NRXN1: variants seen among roughly 807,000 people sequenced by gnomAD.
NRXN1 encodes the protein neurexin-1.
NRXN1 carries 39 observed loss-of-function variants against 150.9 expected under a neutral mutation model. The ratio of observed to expected loss-of-function variants is 0.26; its 90% CI spans 0.20 to 0.34. The LOEUF (loss-of-function observed/expected upper bound fraction) is 0.34, where lower values mean the gene tolerates loss of function less well. NRXN1 is among the 10% of genes least tolerant of loss of function. NRXN1 has a pLI of 1.00. For synonymous variants in NRXN1, 924 were observed against 757.0 expected (o/e 1.22, Z -3.62); for missense variants, 1,815 against 1,949.9 (o/e 0.93, Z 1.30).
intron 2 of NRXN1, among the ~76,000 whole-genome samples, chr2:51,002,695 C>T (rs959393252): frequency 4.6e-5 from 7 of 151,862 alleles, no homozygotes; most frequent in Non-Finnish European, 1.0e-4. Context: ...TTACATCATA[C>T]ATGCAAGATG....
At chr2:49,941,982 C>A (rs1303658432) in intron 22 of NRXN1, among the ~76,000 whole-genome samples, 2 of 152,130 alleles carry the variant, frequency 1.3e-5, no homozygotes, top group Non-Finnish European at 2.9e-5. Context: ...AAAGCAATAG[C>A]AATGACTTTT....
intron 18 of NRXN1, among the ~76,000 whole-genome samples, chr2:50,107,321 A>G (rs543657687): frequency 1.3e-5 from 2 of 151,278 alleles, no homozygotes; most frequent in Non-Finnish European, 3.0e-5. Context: ...AGAACTTTCA[A>G]TGACACCATA....
At chr2:50,057,309 C>T (rs965925895) in intron 19 of NRXN1, among the ~76,000 whole-genome samples, 2 of 152,170 alleles carry the variant, frequency 1.3e-5, no homozygotes, top group East Asian at 1.9e-4. Context: ...GGACTTTGCA[C>T]ATGTAGCTTC....
In NRXN1 at chr2:50,716,112, T is replaced by C. The variant is rs149240673; in HGVS notation, c.833-92497A>G. ...AAGTAAATGAAAATGTAATGACTAA[T>C]ATAAAAATTGGCACAAACATCTATT... On this transcript the variant is annotated intron_variant, in intron 5 of 22. Transcript: ENST00000401669. Among the ~76,000 whole-genome samples, 515 of 152,256 alleles carry C rather than the reference T, an allele frequency of 3.4e-3. 1 individual carries two copies. Among genetic ancestry groups the C allele is most frequent in the Non-Finnish European group, 5.3e-3 (361 of 67,994 alleles).
At chr2:50,432,102 T>A (rs188393412) in intron 17 of NRXN1, among the ~76,000 whole-genome samples, 209 of 152,258 alleles carry the variant, frequency 1.4e-3, no homozygotes, top group African/African-American at 4.6e-3. Context: ...GACTTCCTAG[T>A]TCATTTCAGG....
In NRXN1 at chr2:50,201,251, A is replaced by AT. The variant is rs2062141012; in HGVS notation, c.3546+35537dup. On this transcript the variant is annotated intron_variant, in intron 18 of 22. Coordinates refer to ENST00000401669, the MANE Select transcript of NRXN1 (RefSeq NM_001330078.2). ...CAATAATAATAAAATAGTTCAAGTG[A>AT]TTTTCAACCTTGGTTGAACGACGGA... 2.6e-5 allele frequency among the ~76,000 whole-genome samples: 4 copies of AT among 152,276 alleles called. No individual in the cohort carries two copies. In the South Asian group the frequency reaches 8.3e-4, roughly 32 times the overall value.
chr2:50,742,854 T>C (rs569579935), intron 5 of NRXN1, among the ~76,000 whole-genome samples: 10 of 152,058 alleles, frequency 6.6e-5, no homozygotes, highest in Non-Finnish European at 1.3e-4. Flanking sequence ...ACAACATTAC[T>C]TACTTCCACA....
chr2:50,130,378 G>T (rs534800484), intron 18 of NRXN1, among the ~76,000 whole-genome samples: 5 of 152,096 alleles, frequency 3.3e-5, no homozygotes, highest in African/African-American at 1.2e-4. Flanking sequence ...CCTCTTCTCA[G>T]AAGGAATCAA....
intron 17 of NRXN1, among the ~76,000 whole-genome samples, chr2:50,378,974 G>A (rs2080731631): frequency 6.6e-6 from 1 of 152,138 alleles, no homozygotes; most frequent in South Asian, 2.1e-4. Context: ...ATTTTCCAGA[G>A]AGATTATGGA....
intron 18 of NRXN1, among the ~76,000 whole-genome samples, chr2:50,204,814 T>C (rs1475005129): frequency 6.6e-6 from 1 of 151,990 alleles, no homozygotes; most frequent in Non-Finnish European, 1.5e-5. Flanking sequence ...ATAAATGTTT[T>C]CTGGCATACC....
chr2:49,988,522 A>C (rs1681346840), intron 21 of NRXN1, among the ~76,000 whole-genome samples: 1 of 151,950 alleles, frequency 6.6e-6, no homozygotes, highest in African/African-American at 2.4e-5. Context: ...GCTGAATCAC[A>C]AAGTACATGG....
chr2:50,610,260 G>T (rs565061415), intron 8 of NRXN1, among the ~76,000 whole-genome samples: 6 of 152,078 alleles, frequency 3.9e-5, no homozygotes, highest in African/African-American at 7.2e-5. Flanking sequence ...TTATATGAAG[G>T]TGTTTTTCTT....
intron 19 of NRXN1, among the ~76,000 whole-genome samples, chr2:50,072,845 TG>T (rs1488088897): frequency 1.1e-4 from 16 of 152,276 alleles, no homozygotes; most frequent in African/African-American, 3.6e-4. Flanking sequence ...CGGCATCAGC[TG>T]GTCCTAAAAC....
chr2:50,899,131 C>T (rs893671572), intron 5 of NRXN1, among the ~76,000 whole-genome samples: 2 of 152,014 alleles, frequency 1.3e-5, no homozygotes, highest in African/African-American at 2.4e-5. Flanking sequence ...AATAAATGAA[C>T]GATATTCTGA....
At chr2:51,010,030 C>T (rs1040408840) in intron 2 of NRXN1, among the ~76,000 whole-genome samples, 3 of 151,898 alleles carry the variant, frequency 2.0e-5, no homozygotes, top group African/African-American at 7.2e-5. Context: ...GTGGTATTCT[C>T]TTCTGACAAT....
intron 21 of NRXN1, among the ~76,000 whole-genome samples, chr2:50,041,098 A>T (rs1690875285): frequency 6.6e-6 from 1 of 152,170 alleles, no homozygotes; most frequent in African/African-American, 2.4e-5. Flanking sequence ...TTTTATTTTC[A>T]AATAAGCCAC....
chr2:50,525,854 T>C (rs1372341002), intron 12 of NRXN1, among the ~76,000 whole-genome samples: 2 of 152,196 alleles, frequency 1.3e-5, no homozygotes, highest in African/African-American at 2.4e-5. Flanking sequence ...GAGATAATAC[T>C]TGGAATTCAG....
intron 18 of NRXN1, among the ~76,000 whole-genome samples, chr2:50,157,377 G>T (rs2059086838): frequency 6.6e-6 from 1 of 151,960 alleles, no homozygotes; most frequent in South Asian, 2.1e-4. Context: ...AAAAAGATAA[G>T]CATAGGCGTT....
At chr2:50,819,119 T>C (rs1276054837) in intron 5 of NRXN1, among the ~76,000 whole-genome samples, 1 of 152,038 alleles carries the variant, frequency 6.6e-6, no homozygotes, top group East Asian at 1.9e-4. Flanking sequence ...AGTATGGAGG[T>C]TCCTCAAACA....
Sources: gnomAD v4.1 joint callset for allele counts (sites outside exome capture counted in the v4.1 genomes callset) on GRCh38, gnomAD v4.1.1 for gene constraint, MANE v1.5 for transcripts, NCBI Gene and HGNC (gene_info 2026-07-23, HGNC 2026-07-21) for gene names.